The following STXBP6 variants were observed in gnomAD, a reference collection of about 807,000 sequenced individuals.
The protein encoded by STXBP6 is syntaxin binding protein 6, also known as syntaxin-binding protein 6.
Under a neutral mutation model 26.9 loss-of-function variants are expected in STXBP6, and 21 were observed. That is an observed-to-expected ratio of 0.78 (90% CI 0.55 to 1.12). STXBP6 has a LOEUF of 1.12. Ranked by LOEUF, STXBP6 falls within the 50% of genes most tolerant of loss-of-function variation. The pLI, the probability that STXBP6 is intolerant of heterozygous loss-of-function variation, is 0.00. For missense variants in STXBP6, 232 were observed against 257.9 expected (o/e 0.90, Z 0.69); for synonymous variants, 97 against 92.6 (o/e 1.05, Z -0.27).
intron 1 of STXBP6, among the ~76,000 whole-genome samples, chr14:25,043,194 C>T (rs2075670615): frequency 1.3e-5 from 2 of 152,228 alleles, no homozygotes; most frequent in East Asian, 3.8e-4. Flanking sequence ...AACGATCCCA[C>T]TGACTCAGGA....
At chr14:25,031,981 A>G (rs1008516217) in intron 1 of STXBP6, among the ~76,000 whole-genome samples, 1 of 152,160 alleles carries the variant, frequency 6.6e-6, no homozygotes, top group African/African-American at 2.4e-5. Context: ...ATTCCAAGAG[A>G]AGGTGGGGAG....
chr14:24,873,586 G>A (rs1388955119), intron 2 of STXBP6, among the ~76,000 whole-genome samples: 3 of 152,182 alleles, frequency 2.0e-5, no homozygotes, highest in Non-Finnish European at 2.9e-5. Flanking sequence ...CAATGAGAAC[G>A]GTGACTTCCA....
chr14:24,950,623 T>C (rs2073131665), intron 2 of STXBP6, among the ~76,000 whole-genome samples: 1 of 151,886 alleles, frequency 6.6e-6, no homozygotes, highest in Admixed American at 6.6e-5. Context: ...AGTTATTAAA[T>C]AGGCAAATCT....
intron 2 of STXBP6, among the ~76,000 whole-genome samples, chr14:24,940,023 C>G (rs895114964): frequency 6.6e-6 from 1 of 152,182 alleles, no homozygotes; most frequent in Admixed American, 6.5e-5. Flanking sequence ...TCATCACTGA[C>G]CTCCTGCACT....
Position 24,994,558 on chromosome 14 carries a change from C to G in STXBP6, c.-32-19708G>C, listed in dbSNP as rs77915880. On this transcript the variant is annotated intron_variant, in intron 1 of 5. Coordinates refer to ENST00000323944, the MANE Select transcript of STXBP6 (RefSeq NM_001394410.1). ...TACTACTTGGCTTAGATAGCACTTTCTCCAAGAAGTCTTTCCAGATGTGTA... is the reference window on the plus strand; with the variant it reads ...TACTACTTGGCTTAGATAGCACTTTGTCCAAGAAGTCTTTCCAGATGTGTA... 1.4e-3 allele frequency among the ~76,000 whole-genome samples: 212 copies of G among 152,300 alleles called. 2 individuals are homozygous for G. In the East Asian group the frequency reaches 0.037, roughly 27 times the overall value.
At chr14:25,008,421 C>T (rs2074953440) in intron 1 of STXBP6, among the ~76,000 whole-genome samples, 1 of 152,084 alleles carries the variant, frequency 6.6e-6, no homozygotes, top group Non-Finnish European at 1.5e-5. Flanking sequence ...GAGGTCGAGG[C>T]TGTAGTGAGC....
At chr14:25,010,722 A>G (rs1392350429) in intron 1 of STXBP6, 1 of 152,210 alleles carries the variant, frequency 6.6e-6, no homozygotes, top group Non-Finnish European at 1.5e-5. Context: ...CCAGGCTCCC[A>G]TCATCATATA....
chr14:25,014,756 T>C (rs375283661), intron 1 of STXBP6, among the ~76,000 whole-genome samples: 1 of 152,240 alleles, frequency 6.6e-6, no homozygotes, highest in Non-Finnish European at 1.5e-5. Flanking sequence ...ACTGTATTTA[T>C]AGTATGATAA....
chr14:24,834,542 G>A (rs1188382857), intron 4 of STXBP6, among the ~76,000 whole-genome samples: 1 of 152,170 alleles, frequency 6.6e-6, no homozygotes, highest in Non-Finnish European at 1.5e-5. Flanking sequence ...TAAGGTATGT[G>A]ACTCTTAAAC....
chr14:24,852,140 T>A (rs1884985814), intron 4 of STXBP6, among the ~76,000 whole-genome samples: 1 of 152,126 alleles, frequency 6.6e-6, no homozygotes, highest in Non-Finnish European at 1.5e-5. Context: ...TTCTTTATTG[T>A]CCTGACCTAT....
At chr14:24,928,558 A>G (rs2072266419) in intron 2 of STXBP6, among the ~76,000 whole-genome samples, 1 of 152,174 alleles carries the variant, frequency 6.6e-6, no homozygotes, top group Non-Finnish European at 1.5e-5. Context: ...GAATTGGATA[A>G]CCTACCCAGC....
At chr14:24,897,405 G>C (rs1234447385) in intron 2 of STXBP6, among the ~76,000 whole-genome samples, 1 of 89,502 alleles carries the variant, frequency 1.1e-5, no homozygotes, top group Non-Finnish European at 1.9e-5. Context: ...GCGAGACTCT[G>C]TCTCAAAAAA....
chr14:24,848,388 C>A (rs925298472), intron 4 of STXBP6, among the ~76,000 whole-genome samples: 2 of 152,070 alleles, frequency 1.3e-5, no homozygotes, highest in Admixed American at 6.6e-5. Flanking sequence ...CTCTTTTCTT[C>A]TAGATCAAGC....
chr14:24,867,593 A>C (rs2069769341), intron 2 of STXBP6, among the ~76,000 whole-genome samples: 1 of 152,204 alleles, frequency 6.6e-6, no homozygotes, highest in Non-Finnish European at 1.5e-5. Flanking sequence ...ACAACTGGAT[A>C]TCCACATGTA....
chr14:24,821,463 A>G (rs1283847167), intron 4 of STXBP6, among the ~76,000 whole-genome samples: 1 of 152,228 alleles, frequency 6.6e-6, no homozygotes, highest in Non-Finnish European at 1.5e-5. Flanking sequence ...AACAGGAGAC[A>G]TTATAACTCA....
chr14:24,931,929 C>T (rs2072427196), intron 2 of STXBP6, among the ~76,000 whole-genome samples: 1 of 152,010 alleles, frequency 6.6e-6, no homozygotes, highest in South Asian at 2.1e-4. Flanking sequence ...TGCAAAAGTC[C>T]TAAAAGGAAA....
At position 24,944,122 on chromosome 14, in the gene STXBP6, C is replaced by G. The variant is rs148353374; in HGVS notation, c.154+30543G>C. Among the ~76,000 whole-genome samples, 1,050 of 152,286 alleles carry G rather than the reference C, an allele frequency of 6.9e-3. 4 individuals carry two copies. The highest frequency in any genetic ancestry group is 9.7e-3 in the Non-Finnish European group (658 of 68,016). Reference sequence around the variant, plus strand: ...GAGGCTCAGGCTATGCAACAAAAAGCTATCACTTCAAGGAACCAACGAGTG... The same window carrying G: ...GAGGCTCAGGCTATGCAACAAAAAGGTATCACTTCAAGGAACCAACGAGTG... On this transcript the variant is annotated intron_variant, in intron 2 of 5. Coordinates refer to ENST00000323944, the MANE Select transcript of STXBP6 (RefSeq NM_001394410.1).
chr14:24,957,902 G>A (rs937363684), intron 2 of STXBP6, among the ~76,000 whole-genome samples: 2 of 152,172 alleles, frequency 1.3e-5, no homozygotes, highest in Non-Finnish European at 2.9e-5. Context: ...TAAAAGAAAT[G>A]CAGAGTATGC....
intron 2 of STXBP6, among the ~76,000 whole-genome samples, chr14:24,870,179 G>C (rs900066278): frequency 2.0e-5 from 3 of 152,066 alleles, no homozygotes; most frequent in Non-Finnish European, 4.4e-5. Context: ...AGTTTACTTT[G>C]ACTGGAATTT....
Sources: allele counts gnomAD v4.1 joint callset (sites outside exome capture counted in the v4.1 genomes callset), GRCh38; gene constraint gnomAD v4.1.1; transcripts MANE v1.5; gene names NCBI Gene and HGNC (gene_info 2026-07-23, HGNC 2026-07-21).